The following CDC42BPA variants were observed in gnomAD, a reference collection of about 807,000 sequenced individuals.
CDC42BPA encodes the protein serine/threonine-protein kinase MRCK alpha.
A neutral mutation model predicts 223.5 loss-of-function variants in CDC42BPA; 80 were observed. The ratio of observed to expected loss-of-function variants is 0.36; its 90% CI spans 0.30 to 0.43. CDC42BPA has a LOEUF of 0.43. CDC42BPA is among the 20% of genes least tolerant of loss of function. CDC42BPA has a pLI of 1.00. For missense variants in CDC42BPA, 1,743 were observed against 2,099.9 expected (o/e 0.83, Z 3.32); for synonymous variants, 694 against 718.6 (o/e 0.97, Z 0.55).
chr1:227,296,412 G>C (rs1177594772), intron 1 of CDC42BPA, among the ~76,000 whole-genome samples: 5 of 151,914 alleles, frequency 3.3e-5, no homozygotes, highest in Non-Finnish European at 7.4e-5. Context: ...CAAAACTTTT[G>C]GGAAAAAAAT....
At position 227,033,414 on chromosome 1, in the gene CDC42BPA, C is replaced by T; in HGVS notation, c.3478G>A (p.Asp1160Asn). The change falls in exon 27 of 37, where the codon GAT (aspartate) becomes AAT (asparagine). Residue 1160 changes from aspartate to asparagine, a missense_variant and splice_region_variant. This residue lies in a region of CDC42BPA where 678 missense variants were observed against 777.5 expected (regional missense o/e 0.87). Transcript: ENST00000366766. ...VVISQVIDMRDEEFSVSSVLA... is the reference protein window; with the variant it reads ...VVISQVIDMRNEEFSVSSVLA... ...ACTGAACTCACAGAAAATTCTTCAT[C>T]CCTGAACGAAAAGCAAAGCATTAAA... is the stretch of plus-strand genomic sequence containing the variant. The T allele has an allele frequency of 6.2e-7, 1 of 1,611,502 alleles. No homozygotes were observed. The highest frequency in any genetic ancestry group is 8.5e-7 in the Non-Finnish European group (1 of 1,177,758).
At chr1:227,003,169 A>G (rs1663230708) in intron 35 of CDC42BPA, among the ~76,000 whole-genome samples, 2 of 152,242 alleles carry the variant, frequency 1.3e-5, no homozygotes, top group Non-Finnish European at 2.9e-5. Flanking sequence ...GCATCAGAAG[A>G]CTTGAATTCA....
intron 2 of CDC42BPA, among the ~76,000 whole-genome samples, chr1:227,252,604 T>A (rs2148259569): frequency 6.6e-6 from 1 of 152,276 alleles, no homozygotes; most frequent in South Asian, 2.1e-4. Context: ...CAGGCCAATT[T>A]ATCTGAAGAA....
intron 3 of CDC42BPA, among the ~76,000 whole-genome samples, chr1:227,206,928 ATTTT>A (rs1474114570): frequency 2.0e-5 from 3 of 150,886 alleles, no homozygotes; most frequent in Non-Finnish European, 4.4e-5. Flanking sequence ...CTTTTTTATT[ATTTT>A]ATTTTATTAT....
chr1:227,190,139 T>A (rs577685611), intron 5 of CDC42BPA, among the ~76,000 whole-genome samples: 2 of 152,230 alleles, frequency 1.3e-5, no homozygotes, highest in African/African-American at 4.8e-5. Context: ...TACCTTCTTA[T>A]GTGCTTTTCT....
intron 21 of CDC42BPA, 200 bp downstream of exon 21, chr1:227,069,577 A>G (rs1677853149): frequency 2.6e-6 from 1 of 390,318 alleles, no homozygotes; most frequent in Admixed American, 4.4e-5. Flanking sequence ...TCTTTCTTAG[A>G]TGTTTTGTTA....
chr1:227,108,683 T>A (rs545475591), intron 14 of CDC42BPA, among the ~76,000 whole-genome samples: 2 of 152,292 alleles, frequency 1.3e-5, no homozygotes, highest in African/African-American at 4.8e-5. Context: ...AAGTCTCATA[T>A]ATACAATGGT....
Position 227,261,385 on chromosome 1 carries a change from G to C in CDC42BPA, c.179-7230C>G, listed in dbSNP as rs188951088. Reference sequence around the variant, plus strand: ...CCTGCCTTGGCCTCCCAAAATGCTGGGGTTACAGGCCTGAGCCACTGCACC... The same window carrying C: ...CCTGCCTTGGCCTCCCAAAATGCTGCGGTTACAGGCCTGAGCCACTGCACC... On this transcript the variant is annotated intron_variant, in intron 1 of 36. Coordinates refer to ENST00000366766, the MANE Select transcript of CDC42BPA (RefSeq NM_001394014.1). Among the ~76,000 whole-genome samples the C allele has an allele frequency of 2.5e-3, 384 of 150,792 alleles. 3 individuals are homozygous for C. Among genetic ancestry groups the C allele is most frequent in the Non-Finnish European group, 4.3e-3 (289 of 68,000 alleles).
chr1:227,106,825 T>TC (rs2149352394), intron 14 of CDC42BPA, among the ~76,000 whole-genome samples: 1 of 152,322 alleles, frequency 6.6e-6, no homozygotes, highest in African/African-American at 2.4e-5. Context: ...AACTATTCTT[T>TC]CCCCATTGAA....
At chr1:227,148,439 G>A (rs1661081047) in intron 6 of CDC42BPA, among the ~76,000 whole-genome samples, 1 of 152,110 alleles carries the variant, frequency 6.6e-6, no homozygotes, top group Admixed American at 6.5e-5. Context: ...TAGAATACCA[G>A]TTAATATTTT....
Position 227,051,995 on chromosome 1 carries a change from T to A in CDC42BPA, c.2905-10A>T. On this transcript the variant is annotated splice_polypyrimidine_tract_variant and intron_variant, in intron 21 of 36. Coordinates refer to ENST00000366766, the MANE Select transcript of CDC42BPA (RefSeq NM_001394014.1). ...TCTCAACGGGATCAGTCTAGGAAAA[T>A]AAGTCGGGAAAAATAAAAACCCAAA... 7.3e-7 allele frequency: 1 copy of A among 1,361,154 alleles called. No individual in the cohort carries two copies. Among genetic ancestry groups the A allele is most frequent in the Non-Finnish European group, 9.8e-7 (1 of 1,017,210 alleles). The allele number at this position is 1,361,154 out of a possible 1,614,324, so 84.3% of individuals were successfully genotyped here.
At chr1:227,292,191 C>T (rs908372380) in intron 1 of CDC42BPA, among the ~76,000 whole-genome samples, 1 of 152,080 alleles carries the variant, frequency 6.6e-6, no homozygotes, top group Admixed American at 6.5e-5. Context: ...CCATATTGGC[C>T]GGGCTGGTCT....
chr1:227,159,946 A>G (rs1663569270), intron 6 of CDC42BPA, among the ~76,000 whole-genome samples: 1 of 151,780 alleles, frequency 6.6e-6, no homozygotes, highest in African/African-American at 2.4e-5. Flanking sequence ...CATGCTCAGG[A>G]GATCCTCCCA....
intron 5 of CDC42BPA, among the ~76,000 whole-genome samples, chr1:227,177,938 TA>T (rs1306400753): frequency 9.4e-5 from 14 of 149,236 alleles, no homozygotes; most frequent in Middle Eastern, 3.4e-3. Flanking sequence ...CAAAGACATT[TA>T]ATTTTTTTTT....
chr1:227,196,106 A>C (rs540247141), intron 4 of CDC42BPA, among the ~76,000 whole-genome samples: 10 of 151,990 alleles, frequency 6.6e-5, no homozygotes, highest in African/African-American at 2.4e-4. Flanking sequence ...TTTTTTTTAA[A>C]AGAGCTCCAG....
intron 1 of CDC42BPA, among the ~76,000 whole-genome samples, chr1:227,259,519 T>C (rs375544433): frequency 6.6e-6 from 1 of 151,112 alleles, no homozygotes; most frequent in Non-Finnish European, 1.5e-5. Flanking sequence ...CCCCGCCTTG[T>C]ATTTCCCGAA....
intron 2 of CDC42BPA, 48 bp from the exon 3 acceptor site, chr1:227,213,267 T>C: frequency 1.0e-6 from 1 of 994,376 alleles, no homozygotes; most frequent in Non-Finnish European, 1.5e-6. Flanking sequence ...GACAAATAAT[T>C]TTTTCAGCCA....
chr1:227,099,114 G>A (rs1214922241), intron 15 of CDC42BPA, among the ~76,000 whole-genome samples: 2 of 151,910 alleles, frequency 1.3e-5, no homozygotes, highest in South Asian at 2.1e-4. Flanking sequence ...CTGTGCTGTC[G>A]GCAGTATAAA....
chr1:227,006,487 T>A (rs1201501351), intron 34 of CDC42BPA, among the ~76,000 whole-genome samples: 1 of 152,200 alleles, frequency 6.6e-6, no homozygotes, highest in Non-Finnish European at 1.5e-5. Context: ...AAGAACTGCC[T>A]CCTGGGGCTT....
Sources: allele counts gnomAD v4.1 joint callset (sites outside exome capture counted in the v4.1 genomes callset), GRCh38; gene constraint gnomAD v4.1.1; regional missense constraint gnomAD v4.1.1; transcripts MANE v1.5; gene names NCBI Gene and HGNC (gene_info 2026-07-23, HGNC 2026-07-21).